The following PID1 variants were observed in gnomAD, a reference collection of about 807,000 sequenced individuals.
The protein encoded by PID1 is phosphotyrosine interaction domain containing 1.
A neutral mutation model predicts 19.1 loss-of-function variants in PID1; 10 were observed. The ratio of observed to expected loss-of-function variants is 0.52; its 90% CI spans 0.32 to 0.89. The LOEUF is 0.89. Ranked by LOEUF, PID1 falls within the 40% of genes least tolerant of loss-of-function variation. PID1 has a pLI of 0.03. For missense variants in PID1, 248 were observed against 285.3 expected (o/e 0.87, Z 0.94); for synonymous variants, 130 against 116.0 (o/e 1.12, Z -0.78).
At chr2:229,269,682 A>T (rs559159944) in intron 1 of PID1, among the ~76,000 whole-genome samples, 109 of 152,332 alleles carry the variant, frequency 7.2e-4, no homozygotes, top group African/African-American at 2.5e-3. Context: ...ATATATTTAC[A>T]TCACCTTCTA....
rs77757171 is a variant in PID1, at chr2:229,081,190, A to T, written c.178-55082T>A. Among the ~76,000 whole-genome samples, 3 of 152,256 alleles carry T rather than the reference A, an allele frequency of 2.0e-5. No homozygotes were observed. The East Asian group carries it at 5.8e-4, about 29-fold the overall frequency. ...CTCCCTGTTTATTATTTAGGTTTAC[A>T]TTGTTGATACATACATTCAAATACA... is the stretch of plus-strand genomic sequence containing the variant. On this transcript the variant is annotated intron_variant, in intron 2 of 2. Coordinates refer to ENST00000392055, the MANE Select transcript of PID1 (RefSeq NM_001100818.2).
At chr2:229,222,398 A>T (rs1691990437) in intron 1 of PID1, among the ~76,000 whole-genome samples, 1 of 152,230 alleles carries the variant, frequency 6.6e-6, no homozygotes, top group South Asian at 2.1e-4. Flanking sequence ...CATAGTATAA[A>T]TATAATTTTT....
At chr2:229,200,376 A>T (rs1691473006) in intron 1 of PID1, among the ~76,000 whole-genome samples, 1 of 152,034 alleles carries the variant, frequency 6.6e-6, no homozygotes, top group East Asian at 1.9e-4. Flanking sequence ...CCAAAAAGGC[A>T]CTGAAAAAAC....
chr2:229,072,587 CAAAAAAGAAAAAAAA>C (rs1694478885), intron 2 of PID1, among the ~76,000 whole-genome samples: 1 of 121,844 alleles, frequency 8.2e-6, no homozygotes, highest in South Asian at 2.9e-4. Context: ...GACTCCGTCT[CAAAAAAGAAAAAAAA>C]AAAAAAGATA....
chr2:229,256,003 C>G (rs1355223340), intron 1 of PID1, among the ~76,000 whole-genome samples: 2 of 152,202 alleles, frequency 1.3e-5, no homozygotes, highest in African/African-American at 4.8e-5. Flanking sequence ...CAGTTACCAC[C>G]TTGGCCTTTA....
Position 229,224,310 on chromosome 2 carries a change from C to T in PID1, c.30+46704G>A, listed in dbSNP as rs995979548. 5.3e-5 allele frequency among the ~76,000 whole-genome samples: 8 copies of T among 152,298 alleles called. No homozygotes were observed. The East Asian group carries it at 1.5e-3, about 29-fold the overall frequency. On this transcript the variant is annotated intron_variant, in intron 1 of 2. Transcript: ENST00000392055. The stretch of plus-strand genomic sequence containing the variant: ...AACTAAAACTAGAACTACCATTCAA[C>T]CCAGCAATTCCATTATTGGGTATCT...
At chr2:229,185,487 A>G (rs2106225458) in intron 1 of PID1, among the ~76,000 whole-genome samples, 1 of 152,296 alleles carries the variant, frequency 6.6e-6, no homozygotes, top group Admixed American at 6.5e-5. Context: ...ACAGAAAAAA[A>G]GAGTTTTAAT....
Position 229,163,680 on chromosome 2 carries a change from T to TGTGCGCGCGC in PID1, c.31-7717_31-7716insGCGCGCGCAC, listed in dbSNP as rs1365270238. Among the ~76,000 whole-genome samples the TGTGCGCGCGC allele has an allele frequency of 7.7e-4, 80 of 103,800 alleles. 2 individuals carry two copies. The East Asian group carries it at 0.012, about 15-fold the overall frequency. 68.1% of individuals were successfully genotyped at this position (103,800 alleles called of 152,430 possible). A position where few individuals can be genotyped will look rare whatever the true frequency, so the allele number is the denominator to read the frequency against. On this transcript the variant is annotated intron_variant, in intron 1 of 2. Coordinates refer to ENST00000392055, the MANE Select transcript of PID1 (RefSeq NM_001100818.2). ...GTGTGTGTGTGTGTGTGTGTGCGTG[T>TGTGCGCGCGC]GCGTGTGTGTGTGTGTATACTCACT...
intron 2 of PID1, among the ~76,000 whole-genome samples, chr2:229,052,555 T>C (rs1694017403): frequency 6.6e-6 from 1 of 152,150 alleles, no homozygotes; most frequent in African/African-American, 2.4e-5. Context: ...GAGCTTTTTT[T>C]TTTCAACAAA....
At chr2:229,187,156 A>T (rs1303385384) in intron 1 of PID1, among the ~76,000 whole-genome samples, 1 of 152,084 alleles carries the variant, frequency 6.6e-6, no homozygotes, top group African/African-American at 2.4e-5. Flanking sequence ...CATTCAGCAA[A>T]CCTCTAGGAA....
intron 1 of PID1, among the ~76,000 whole-genome samples, chr2:229,196,075 C>T (rs1188137331): frequency 6.6e-6 from 1 of 151,908 alleles, no homozygotes; most frequent in Non-Finnish European, 1.5e-5. Context: ...TATATGTATA[C>T]AACACTAAAA....
chr2:229,269,854 T>C (rs574339073), intron 1 of PID1, among the ~76,000 whole-genome samples: 1 of 152,268 alleles, frequency 6.6e-6, no homozygotes, highest in Admixed American at 6.5e-5. Context: ...CTCTGATAAA[T>C]TGAACACACT....
chr2:229,025,921 G>A lies in PID1; in HGVS notation c.365C>T (p.Thr122Ile), dbSNP rs745661805. 5.0e-6 allele frequency: 8 copies of A among 1,614,160 alleles called. No individual in the cohort carries two copies. The East Asian group carries it at 1.8e-4, about 36-fold the overall frequency. Reference sequence around the variant, plus strand: ...CACCTGGAAGGTATCCATGTGCACTGTGGCCTCCCCTTTGTGGTCGAGATG... The same window carrying A: ...CACCTGGAAGGTATCCATGTGCACTATGGCCTCCCCTTTGTGGTCGAGATG... ...LHHLDHKGEA[T>I]VHMDTFQVAR... The change falls in exon 3 of 3, where the codon ACA becomes ATA. Residue 122 changes from threonine to isoleucine, a missense_variant. Thr to Ile is a moderately conservative substitution (Grantham distance 89). Transcript: ENST00000392055.
intron 2 of PID1, among the ~76,000 whole-genome samples, chr2:229,072,817 G>A (rs1326915429): frequency 1.3e-5 from 2 of 152,154 alleles, no homozygotes; most frequent in African/African-American, 4.8e-5. Context: ...TAATCAGTGG[G>A]AAAGATCATA....
At chr2:229,229,756 T>G (rs964654982) in intron 1 of PID1, among the ~76,000 whole-genome samples, 4 of 152,242 alleles carry the variant, frequency 2.6e-5, no homozygotes, top group Non-Finnish European at 5.9e-5. Context: ...GGCTTTCAGA[T>G]GGTTCTGTCT....
At chr2:229,136,935 C>A (rs1689869221) in intron 2 of PID1, among the ~76,000 whole-genome samples, 1 of 152,112 alleles carries the variant, frequency 6.6e-6, no homozygotes, top group Non-Finnish European at 1.5e-5. Flanking sequence ...GAGAAATGAG[C>A]CATAAACTAA....
At chr2:229,054,711 T>A (rs1694059927) in intron 2 of PID1, among the ~76,000 whole-genome samples, 1 of 19,174 alleles carries the variant, frequency 5.2e-5, no homozygotes, top group Admixed American at 5.9e-4. Flanking sequence ...GCAGTGTGTG[T>A]GTGTGTGTGG....
intron 1 of PID1, among the ~76,000 whole-genome samples, chr2:229,218,020 G>A (rs1436392368): frequency 1.3e-5 from 2 of 152,140 alleles, no homozygotes; most frequent in South Asian, 2.1e-4. Context: ...CCAGACAACT[G>A]AGTGTTTCCT....
intron 2 of PID1, among the ~76,000 whole-genome samples, chr2:229,071,765 T>C (rs1694458850): frequency 6.6e-6 from 1 of 152,204 alleles, no homozygotes; most frequent in Non-Finnish European, 1.5e-5. Flanking sequence ...TAGTTTATCA[T>C]CATAACCATG....
Sources: allele counts gnomAD v4.1 joint callset (sites outside exome capture counted in the v4.1 genomes callset), GRCh38; gene constraint gnomAD v4.1.1; transcripts MANE v1.5; gene names NCBI Gene and HGNC (gene_info 2026-07-23, HGNC 2026-07-21).